Variants in APOBEC3F observed in about 807,000 individuals in gnomAD.
APOBEC3F encodes apolipoprotein B mRNA editing enzyme catalytic subunit 3F.
APOBEC3F carries 34 observed loss-of-function variants against 45.8 expected under a neutral mutation model. The observed-to-expected ratio is 0.74, with a 90% confidence interval of 0.57 to 0.99. The LOEUF (loss-of-function observed/expected upper bound fraction) is 0.99. Among genes scored for constraint, APOBEC3F ranks in the 50% least tolerant of loss-of-function variants. The probability of loss-of-function intolerance (pLI) is 0.00; values close to 1 mark genes in which losing one functional copy is unlikely to be tolerated. For missense variants in APOBEC3F, 459 were observed against 474.1 expected (o/e 0.97, Z 0.30); for synonymous variants, 192 against 174.4 (o/e 1.10, Z -0.80).
intron 4 of APOBEC3F, among the ~76,000 whole-genome samples, chr22:39,046,576 G>A (rs186621702): frequency 1.3e-5 from 2 of 151,994 alleles, no homozygotes; most frequent in East Asian, 3.9e-4. Context: ...GATGCAGAAA[G>A]AGCCAAACAA....
At chr22:39,048,527 G>T (rs1927328802) in intron 4 of APOBEC3F, among the ~76,000 whole-genome samples, 1 of 151,780 alleles carries the variant, frequency 6.6e-6, no homozygotes, top group Admixed American at 6.6e-5. Context: ...ACAAAAACTA[G>T]GTCTGGCCGC....
Position 39,045,045 on chromosome 22 carries a change from C to A in APOBEC3F, c.276C>A (p.Ser92=), listed in dbSNP as rs367581424. 1.5e-5 allele frequency: 25 copies of A among 1,613,856 alleles called. No homozygotes were observed. In the African/African-American group the frequency reaches 3.2e-4, roughly 21 times the overall value. The change falls in exon 3 of 7, where the codon TCC becomes TCA. Residue 92 remains serine, a synonymous_variant. Transcript: ENST00000308521. Reference sequence around the variant, plus strand: ...GTTTCCAGATCACCTGGTTTGTATCCTGGACCCCCTGCCCGGACTGTGTGG... The same window carrying A: ...GTTTCCAGATCACCTGGTTTGTATCATGGACCCCCTGCCCGGACTGTGTGG... ...YKCFQITWFV[S]WTPCPDCVAK... is the part of the protein sequence containing the mutation.
chr22:39,049,700 T>A, intron 5 of APOBEC3F, 119 bp downstream of exon 5: 69 of 47,950 alleles, frequency 1.4e-3, no homozygotes, highest in Middle Eastern at 0.011. Context: ...CTTACATTTC[T>A]TTTTTTTTTT....
intron 1 of APOBEC3F, among the ~76,000 whole-genome samples, chr22:39,042,308 CTCT>C (rs1372732792): frequency 8.4e-5 from 8 of 95,478 alleles, no homozygotes; most frequent in South Asian, 4.1e-4. Context: ...TATTCTCTCT[CTCT>C]TTTTTTTTTT....
rs990025792 is a variant in APOBEC3F at position 39,055,426 on chromosome 22, T to C, written c.*2731T>C. Among the ~76,000 whole-genome samples the C allele has an allele frequency of 8.1e-5, 12 of 148,788 alleles. No individual in the cohort carries two copies. The highest frequency in any genetic ancestry group is 1.0e-4 in the Non-Finnish European group (7 of 67,450). On this transcript the variant is annotated 3_prime_UTR_variant, in exon 7 of 7. Coordinates refer to ENST00000308521, the MANE Select transcript of APOBEC3F (RefSeq NM_145298.6). Reference sequence around the variant, plus strand: ...CTGTTGCCCAGGCTGGAGTGCTAAATAGCAGAATCACTGCTCACTGCAACC... The same window carrying C: ...CTGTTGCCCAGGCTGGAGTGCTAAACAGCAGAATCACTGCTCACTGCAACC...
In APOBEC3F at chr22:39,045,465, A is replaced by C. The variant is rs770058516; in HGVS notation, c.489A>C (p.Glu163Asp). Residue 163 changes from glutamate (E) to aspartate (D), a missense_variant, in exon 4 of 7, where the codon GAA (glutamate) becomes GAC (aspartate). Transcript: ENST00000308521. ...AYCWENFVYS[E>D]GQPFMPWYKF... ...GCTGGGAAAACTTTGTGTACAGTGA[A>C]GGTCAGCCATTCATGCCTTGGTACA... The C allele has an allele frequency of 6.2e-7, 1 of 1,614,150 alleles. No homozygotes were observed. Among genetic ancestry groups the C allele is most frequent in the Non-Finnish European group, 8.5e-7 (1 of 1,180,016 alleles).
intron 4 of APOBEC3F, among the ~76,000 whole-genome samples, chr22:39,048,653 A>G (rs1432296307): frequency 6.6e-6 from 1 of 152,042 alleles, no homozygotes; most frequent in Non-Finnish European, 1.5e-5. Context: ...TAAAAATACA[A>G]AAAATTAGCC....
chr22:39,046,362 A>AT (rs1927219462), intron 4 of APOBEC3F, among the ~76,000 whole-genome samples: 1 of 152,112 alleles, frequency 6.6e-6, no homozygotes, highest in Non-Finnish European at 1.5e-5. Flanking sequence ...GTCCATGACA[A>AT]TGGGTCAAGC....
rs1452645331 is a variant in APOBEC3F at position 39,054,915 on chromosome 22, C to T, written c.*2220C>T. ...GGCCACAGGCAGGCATTTATTTTCT[C>T]ACAGATATGGAGGCTACAAGTCCAA... On this transcript the variant is annotated 3_prime_UTR_variant, in exon 7 of 7. Transcript: ENST00000308521. Among the ~76,000 whole-genome samples the T allele has an allele frequency of 6.6e-6, 1 of 152,130 alleles. No individual in the cohort carries two copies. The highest frequency in any genetic ancestry group is 1.5e-5 in the Non-Finnish European group (1 of 68,032).
In APOBEC3F at chr22:39,043,467, A is replaced by ATTT. The variant is rs542976503; in HGVS notation, c.171+389_171+391dup. Among the ~76,000 whole-genome samples the ATTT allele has an allele frequency of 1.7e-3, 231 of 139,050 alleles. 1 individual carries two copies. Among genetic ancestry groups the ATTT allele is most frequent in the East Asian group, 0.016 (76 of 4,610 alleles). The allele number at this position is 139,050 out of a possible 152,430, so 91.2% of individuals were successfully genotyped here. A position where few individuals can be genotyped will look rare whatever the true frequency, so the allele number is the denominator to read the frequency against. On this transcript the variant is annotated intron_variant, in intron 2 of 6. Coordinates refer to ENST00000308521, the MANE Select transcript of APOBEC3F (RefSeq NM_145298.6). ...AGGTGCCCACCACCACGCCCAGCTA[A>ATTT]TTTTTTTTTTTTTTGTATTTTTAGT... is the stretch of plus-strand genomic sequence containing the variant.
At chr22:39,041,991 G>A (rs1031120922) in intron 1 of APOBEC3F, among the ~76,000 whole-genome samples, 3 of 152,238 alleles carry the variant, frequency 2.0e-5, no homozygotes, top group African/African-American at 2.4e-5. Flanking sequence ...CTCCTGCAAG[G>A]CTGGTGACAC....
At chr22:39,044,018 T>A (rs1439867442) in intron 2 of APOBEC3F, 3 of 1,479,944 alleles carry the variant, frequency 2.0e-6, no homozygotes, top group Non-Finnish European at 2.7e-6. Flanking sequence ...AGAGTGAAAC[T>A]ACGTCTCAAA....
chr22:39,052,977 C>A lies in APOBEC3F; in HGVS notation c.*282C>A. 2 of 417,242 alleles carry A rather than the reference C, an allele frequency of 4.8e-6. No homozygotes were observed. The highest frequency in any genetic ancestry group is 7.5e-6 in the Non-Finnish European group (2 of 267,624). 25.8% of individuals were successfully genotyped at this position (417,242 alleles called of 1,614,324 possible). A position where few individuals can be genotyped will look rare whatever the true frequency, so the allele number is the denominator to read the frequency against. On this transcript the variant is annotated 3_prime_UTR_variant, in exon 7 of 7. Coordinates refer to ENST00000308521, the MANE Select transcript of APOBEC3F (RefSeq NM_145298.6). Reference sequence around the variant, plus strand: ...AACCTGCCTTTTCCCATCTCCCCAGCATAACCTAATATTTTTTTTTTTTTT... The same window carrying A: ...AACCTGCCTTTTCCCATCTCCCCAGAATAACCTAATATTTTTTTTTTTTTT...
At chr22:39,043,170 GC>G (rs1240296106) in intron 2 of APOBEC3F, 80 bp downstream of exon 2, 1 of 1,499,666 alleles carries the variant, frequency 6.7e-7, no homozygotes, top group Non-Finnish European at 8.9e-7. Context: ...TAAGTGAAGT[GC>G]CCGGCGGCGG....
At position 39,053,668 on chromosome 22, in the gene APOBEC3F, T is replaced by A. The variant is rs186729890; in HGVS notation, c.*973T>A. 6.6e-6 allele frequency: 1 copy of A among 152,282 alleles called. No homozygotes were observed. Among genetic ancestry groups the A allele is most frequent in the East Asian group, 1.9e-4 (1 of 5,188 alleles). 9.4% of individuals were successfully genotyped at this position (152,282 alleles called of 1,614,324 possible). ...AAATGGGTATGAAAGTTGAAATGGG[T>A]ATGTAAGTTGAAAACCAGAAGTTTT... On this transcript the variant is annotated 3_prime_UTR_variant, in exon 7 of 7. Coordinates refer to ENST00000308521, the MANE Select transcript of APOBEC3F (RefSeq NM_145298.6).
chr22:39,042,793 C>A, intron 1 of APOBEC3F, 144 bp from the exon 2 acceptor site: 1 of 1,301,506 alleles, frequency 7.7e-7, no homozygotes, highest in South Asian at 1.5e-5. Context: ...GTCTTCCTGC[C>A]TGGGAAGGAA....
Position 39,055,810 on chromosome 22 carries a change from C to G in APOBEC3F, c.*3115C>G, listed in dbSNP as rs532345804. Among the ~76,000 whole-genome samples, 5 of 152,220 alleles carry G rather than the reference C, an allele frequency of 3.3e-5. No homozygotes were observed. Among genetic ancestry groups the G allele is most frequent in the South Asian group, 4.1e-4 (2 of 4,826 alleles). ...CCCACCACTGATGCATGTAGCCCCC[C>G]AGTCACGTAGCCCACGCTTGCACAA... On this transcript the variant is annotated 3_prime_UTR_variant, in exon 7 of 7. Transcript: ENST00000308521.
intron 5 of APOBEC3F, among the ~76,000 whole-genome samples, chr22:39,050,025 G>A (rs865951840): frequency 6.6e-6 from 1 of 151,546 alleles, no homozygotes; most frequent in Non-Finnish European, 1.5e-5. Context: ...TTTTAAGTCC[G>A]TGGCCCAGAT....
In APOBEC3F at chr22:39,040,894, G is replaced by T. The variant is rs1601489846; in HGVS notation, c.-67G>T. 2 of 1,552,742 alleles carry T rather than the reference G, an allele frequency of 1.3e-6. No homozygotes were observed. Among genetic ancestry groups the T allele is most frequent in the African/African-American group, 1.4e-5 (1 of 73,288 alleles). The stretch of plus-strand genomic sequence containing the variant: ...AGGGAGGGCTGTCCTGAAACCTGGA[G>T]CCTGGAGCAGAAAGTGAAACCCTGG... On this transcript the variant is annotated 5_prime_UTR_variant, in exon 1 of 7. Transcript: ENST00000308521.
Sources: allele counts gnomAD v4.1 joint callset (sites outside exome capture counted in the v4.1 genomes callset), GRCh38; gene constraint gnomAD v4.1.1; transcripts MANE v1.5; gene names NCBI Gene and HGNC (gene_info 2026-07-23, HGNC 2026-07-21).